PITPNC1: variants seen among roughly 807,000 people sequenced by gnomAD.
PITPNC1 encodes phosphatidylinositol transfer protein cytoplasmic 1.
A neutral mutation model predicts 44.7 loss-of-function variants in PITPNC1; 18 were observed. The ratio of observed to expected loss-of-function variants is 0.40; its 90% CI spans 0.28 to 0.60. The LOEUF is 0.60. PITPNC1 is among the 20% of genes least tolerant of loss of function. The probability of loss-of-function intolerance (pLI) is 0.39; values close to 1 mark genes in which losing one functional copy is unlikely to be tolerated. For synonymous variants in PITPNC1, 141 were observed against 149.6 expected (o/e 0.94, Z 0.42); for missense variants, 290 against 418.4 (o/e 0.69, Z 2.68).
intron 1 of PITPNC1, among the ~76,000 whole-genome samples, chr17:67,500,830 C>T (rs185100269): frequency 6.7e-4 from 101 of 151,068 alleles, no homozygotes; most frequent in Admixed American, 1.6e-3. Flanking sequence ...ACCGCAGGCG[C>T]GCACACCACC....
At chr17:67,442,225 A>G (rs1458914668) in intron 1 of PITPNC1, among the ~76,000 whole-genome samples, 1 of 103,168 alleles carries the variant, frequency 9.7e-6, no homozygotes, top group East Asian at 2.5e-4. Context: ...ATATATATAT[A>G]TATATATATA....
In PITPNC1 at chr17:67,662,581, TG is replaced by T. The variant is rs147900249; in HGVS notation, c.463-6926del. 7.1e-3 allele frequency among the ~76,000 whole-genome samples: 1,076 copies of T among 152,344 alleles called. 13 individuals are homozygous for T. Among genetic ancestry groups the T allele is most frequent in the African/African-American group, 0.024 (1,007 of 41,566 alleles). ...ATTTTGTTTCTGTTTGCCGTCATTC[TG>T]CATACCACTCCCTTCCCCCAGCTTT... is the stretch of plus-strand genomic sequence containing the variant. On this transcript the variant is annotated intron_variant, in intron 6 of 8. Transcript: ENST00000581322.
chr17:67,382,907 T>C (rs1042339622), intron 1 of PITPNC1, among the ~76,000 whole-genome samples: 3 of 151,768 alleles, frequency 2.0e-5, no homozygotes, highest in African/African-American at 4.8e-5. Context: ...ATTACAGGCA[T>C]GAGCCACTGC....
intron 1 of PITPNC1, among the ~76,000 whole-genome samples, chr17:67,431,859 G>A (rs763253066): frequency 6.6e-6 from 1 of 152,190 alleles, no homozygotes; most frequent in Non-Finnish European, 1.5e-5. Context: ...TGTCATGACT[G>A]TCTTAACAAT....
chr17:67,505,648 C>CT lies in PITPNC1; in HGVS notation c.49-27146dup, dbSNP rs1427640963. Among the ~76,000 whole-genome samples the CT allele has an allele frequency of 9.9e-5, 15 of 151,866 alleles. No homozygotes were observed. The East Asian group carries it at 2.7e-3, about 27-fold the overall frequency. On this transcript the variant is annotated intron_variant, in intron 1 of 8. Transcript: ENST00000581322. ...TCCTATAGACAGCATATAGTTGGGT[C>CT]TTTTTTTTAGTAGAGATGGGGTTTT...
At chr17:67,475,511 C>T (rs2039613359) in intron 1 of PITPNC1, among the ~76,000 whole-genome samples, 2 of 152,172 alleles carry the variant, frequency 1.3e-5, no homozygotes, top group African/African-American at 4.8e-5. Context: ...CCATTTCAAA[C>T]ATAGCGAACA....
intron 4 of PITPNC1, among the ~76,000 whole-genome samples, chr17:67,559,336 C>T (rs951228329): frequency 2.6e-5 from 4 of 152,268 alleles, no homozygotes; most frequent in Admixed American, 1.3e-4. Context: ...ATCTCATCTA[C>T]GATGTAAGCT....
At chr17:67,393,074 G>C (rs1051556586) in intron 1 of PITPNC1, among the ~76,000 whole-genome samples, 1 of 150,828 alleles carries the variant, frequency 6.6e-6, no homozygotes, top group East Asian at 2.0e-4. Flanking sequence ...AGGTTGTGGT[G>C]AGTCAAGATC....
intron 6 of PITPNC1, among the ~76,000 whole-genome samples, chr17:67,663,493 C>G (rs1424944215): frequency 1.3e-5 from 2 of 151,772 alleles, no homozygotes; most frequent in African/African-American, 4.8e-5. Context: ...TGGCGGGAAC[C>G]TGGGAGGCGG....
At chr17:67,485,990 A>G (rs1401428831) in intron 1 of PITPNC1, among the ~76,000 whole-genome samples, 1 of 152,232 alleles carries the variant, frequency 6.6e-6, no homozygotes, top group Non-Finnish European at 1.5e-5. Context: ...TTTAGAAGCA[A>G]TAGTATTAAA....
chr17:67,550,825 G>A (rs1193289533), intron 2 of PITPNC1, among the ~76,000 whole-genome samples: 2 of 152,164 alleles, frequency 1.3e-5, no homozygotes, highest in African/African-American at 4.8e-5. Flanking sequence ...ACTTTTGGAG[G>A]CCGAGGCGGG....
At chr17:67,527,573 G>C (rs1016150624) in intron 1 of PITPNC1, among the ~76,000 whole-genome samples, 1 of 152,090 alleles carries the variant, frequency 6.6e-6, no homozygotes, top group Non-Finnish European at 1.5e-5. Flanking sequence ...TGTGGTGGTG[G>C]GCGCCTGTAA....
At chr17:67,578,684 C>A (rs960536049) in intron 5 of PITPNC1, among the ~76,000 whole-genome samples, 10 of 152,156 alleles carry the variant, frequency 6.6e-5, no homozygotes, top group African/African-American at 2.4e-4. Context: ...TATGTGTGAA[C>A]AGAAAAGGAA....
intron 3 of PITPNC1, 64 bp from the exon 4 acceptor site, chr17:67,553,546 G>T: frequency 4.0e-6 from 3 of 743,216 alleles, no homozygotes; most frequent in South Asian, 2.1e-5. Context: ...ATATAAGCAT[G>T]ATCTAAATCA....
intron 1 of PITPNC1, among the ~76,000 whole-genome samples, chr17:67,482,903 G>C (rs1189016654): frequency 6.6e-6 from 1 of 152,090 alleles, no homozygotes; most frequent in Non-Finnish European, 1.5e-5. Flanking sequence ...TAGTTGCTGG[G>C]GTCACCTAGC....
chr17:67,569,356 G>T (rs1404365284), intron 4 of PITPNC1, among the ~76,000 whole-genome samples: 1 of 152,158 alleles, frequency 6.6e-6, no homozygotes, highest in East Asian at 1.9e-4. Context: ...TCCCGACACT[G>T]AACCTGGGAG....
At chr17:67,425,191 GCGCACGCACACGCACACACA>G (rs1567984592) in intron 1 of PITPNC1, among the ~76,000 whole-genome samples, 1 of 38,640 alleles carries the variant, frequency 2.6e-5, no homozygotes, top group East Asian at 5.2e-4. Context: ...TGTTGTGCGC[GCGCACGCACACGCACACACA>G]CACACACACA....
At chr17:67,385,362 G>C (rs1358945297) in intron 1 of PITPNC1, among the ~76,000 whole-genome samples, 1 of 152,172 alleles carries the variant, frequency 6.6e-6, no homozygotes, top group Non-Finnish European at 1.5e-5. Flanking sequence ...GGACCAATCA[G>C]TGCTCAGTAA....
chr17:67,405,764 C>G (rs1366562404), intron 1 of PITPNC1, among the ~76,000 whole-genome samples: 4 of 151,856 alleles, frequency 2.6e-5, no homozygotes, highest in African/African-American at 7.3e-5. Flanking sequence ...CACCACCACG[C>G]TCAGCTAATT....
Sources: gnomAD v4.1 joint callset for allele counts (sites outside exome capture counted in the v4.1 genomes callset) on GRCh38, gnomAD v4.1.1 for gene constraint, MANE v1.5 for transcripts, NCBI Gene and HGNC (gene_info 2026-07-23, HGNC 2026-07-21) for gene names.